The following TRIM35 variants were observed in gnomAD, a reference collection of about 807,000 sequenced individuals.
The protein encoded by TRIM35 is tripartite motif containing 35, also known as E3 ubiquitin-protein ligase TRIM35.
A neutral mutation model predicts 49.1 loss-of-function variants in TRIM35; 37 were observed. The observed-to-expected ratio is 0.75, with a 90% CI of 0.58 to 0.99. The LOEUF (loss-of-function observed/expected upper bound fraction) is 0.99. Ranked by LOEUF, TRIM35 falls within the 50% of genes least tolerant of loss-of-function variation. The pLI, the probability that TRIM35 is intolerant of heterozygous loss-of-function variation, is 0.00. For missense variants in TRIM35, 648 were observed against 702.7 expected (o/e 0.92, Z 0.88); for synonymous variants, 302 against 289.3 (o/e 1.04, Z -0.45).
Position 27,287,331 on chromosome 8 carries a change from C to T in TRIM35, c.*219G>A. The T allele has an allele frequency of 1.9e-6, 1 of 531,308 alleles. No individual in the cohort carries two copies. The highest frequency in any genetic ancestry group is 3.6e-5 in the Admixed American group (1 of 27,782). 32.9% of individuals were successfully genotyped at this position (531,308 alleles called of 1,614,324 possible). Reference sequence around the variant, plus strand: ...GTGCCACGACTCGGGAGAGCCTGGCCAGCGAGGTGCCACCCGAATAGCTCC... The same window carrying T: ...GTGCCACGACTCGGGAGAGCCTGGCTAGCGAGGTGCCACCCGAATAGCTCC... On this transcript the variant is annotated 3_prime_UTR_variant, in exon 6 of 6. Coordinates refer to ENST00000305364, the MANE Select transcript of TRIM35 (RefSeq NM_171982.5). This position sits in a 1 kb window ranked among gnomAD's most constrained non-coding sequence, Gnocchi z 6.0.
Position 27,294,178 on chromosome 8 carries a change from C to A in TRIM35, c.664G>T (p.Glu222Ter). The A allele has an allele frequency of 1.2e-6, 2 of 1,614,242 alleles. No homozygotes were observed. The highest frequency in any genetic ancestry group is 1.7e-6 in the Non-Finnish European group (2 of 1,180,052). The change falls in exon 3 of 6, where the codon GAG becomes TAG. Residue 222 changes from glutamate (E) to a stop codon, truncating the protein, a stop_gained. Coordinates refer to ENST00000305364, the MANE Select transcript of TRIM35 (RefSeq NM_171982.5). LOFTEE classifies it high-confidence loss of function. ...ETRQKQLLAD[E>*]KMKQLTEETE... ...TCCTCTGTGAGCTGCTTCATCTTCT[C>A]GTCGGCCAGAAGTTGCTTCTGCCTT...
Position 27,298,399 on chromosome 8 carries a change from T to C in TRIM35, c.531+65A>G, listed in dbSNP as rs755212989. Reference sequence around the variant, plus strand: ...GAGCCAAAGCCACGGCTGACACATCTTCACTCCTCCCCAGACTGCCCTGAG... The same window carrying C: ...GAGCCAAAGCCACGGCTGACACATCCTCACTCCTCCCCAGACTGCCCTGAG... On this transcript the variant is annotated intron_variant, in intron 2 of 5. Transcript: ENST00000305364. 897 of 1,508,016 alleles carry C rather than the reference T, an allele frequency of 5.9e-4. 9 individuals carry two copies. Among genetic ancestry groups the C allele is most frequent in the Admixed American group, 1.2e-3 (70 of 59,554 alleles). The allele number at this position is 1,508,016 out of a possible 1,614,324, so 93.4% of individuals were successfully genotyped here. A position where few individuals can be genotyped will look rare whatever the true frequency, so the allele number is the denominator to read the frequency against.
At chr8:27,295,537 G>GC (rs1374945528) in intron 2 of TRIM35, among the ~76,000 whole-genome samples, 1 of 152,196 alleles carries the variant, frequency 6.6e-6, no homozygotes, top group Non-Finnish European at 1.5e-5. Flanking sequence ...TCATAGGTTA[G>GC]CCTAGCCTAC....
At chr8:27,310,772 G>T (rs1325598809) in intron 1 of TRIM35, 29 bp downstream of exon 1, 1 of 1,544,018 alleles carries the variant, frequency 6.5e-7, no homozygotes, top group South Asian at 1.2e-5. Context: ...GACCCGGCTC[G>T]GCCGCCTCGT....
In TRIM35 at chr8:27,299,906, C is replaced by T. The variant is rs139693448; in HGVS notation, c.436-1347G>A. 2.0e-5 allele frequency among the ~76,000 whole-genome samples: 3 copies of T among 152,310 alleles called. No homozygotes were observed. In the East Asian group the frequency reaches 5.8e-4, roughly 29 times the overall value. ...CCCCAGTGACCCTCACCTCCTGATA[C>T]TCATGCTCTTGTGAAATCCCCTCCT... On this transcript the variant is annotated intron_variant, in intron 1 of 5. Transcript: ENST00000305364.
chr8:27,304,370 C>T (rs1802740156), intron 1 of TRIM35, among the ~76,000 whole-genome samples: 1 of 152,248 alleles, frequency 6.6e-6, no homozygotes, highest in African/African-American at 2.4e-5. Context: ...CACACTGTTG[C>T]TCTGCCTGGT....
In TRIM35 at chr8:27,287,979, G is replaced by A; in HGVS notation, c.1053C>T (p.Phe351=). The change falls in exon 6 of 6, where the codon TTC becomes TTT. Residue 351 remains phenylalanine (F), a synonymous_variant. Transcript: ENST00000305364. The surrounding 1 kb of genome is among the most constrained non-coding windows in gnomAD (Gnocchi z 6.0). ...SAPCLLGSRV[F]SQGSHAWEVA... ...CCTCCCAGGCGTGCGAGCCCTGTGA[G>A]AAGACACGGGAGCCCAGCAGGCAGG... The A allele has an allele frequency of 6.2e-7, 1 of 1,613,512 alleles. No homozygotes were observed. Among genetic ancestry groups the A allele is most frequent in the South Asian group, 1.1e-5 (1 of 91,076 alleles).
chr8:27,303,742 A>C (rs1300910122), intron 1 of TRIM35, among the ~76,000 whole-genome samples: 1 of 152,180 alleles, frequency 6.6e-6, no homozygotes, highest in Non-Finnish European at 1.5e-5. Context: ...TGTCCAGGCT[A>C]GAGTGCAGTG....
At chr8:27,306,322 T>C (rs938791036) in intron 1 of TRIM35, among the ~76,000 whole-genome samples, 7 of 126,170 alleles carry the variant, frequency 5.5e-5, no homozygotes, top group South Asian at 5.2e-4. Flanking sequence ...ATTTTCTTTT[T>C]TTCTTTCTTT....
At chr8:27,292,622 T>C (rs1802477874) in intron 3 of TRIM35, among the ~76,000 whole-genome samples, 1 of 152,202 alleles carries the variant, frequency 6.6e-6, no homozygotes, top group African/African-American at 2.4e-5. Flanking sequence ...TGTAGACTAG[T>C]GGTTGCCAGG....
chr8:27,299,050 T>A (rs1802631741), intron 1 of TRIM35, among the ~76,000 whole-genome samples: 1 of 152,134 alleles, frequency 6.6e-6, no homozygotes, highest in Non-Finnish European at 1.5e-5. Flanking sequence ...GGGGTTCAGT[T>A]ACCTCCCATG....
At position 27,294,067 on chromosome 8, in the gene TRIM35, C is replaced by T. The variant is rs376504966; in HGVS notation, c.762+13G>A. On this transcript the variant is annotated intron_variant, in intron 3 of 5. Coordinates refer to ENST00000305364, the MANE Select transcript of TRIM35 (RefSeq NM_171982.5). ...GTGGCCCTGTCACTGAATCCAGACG[C>T]TGAGCTCCTTACCATGAGAAAAGAA... The T allele has an allele frequency of 2.8e-5, 45 of 1,612,756 alleles. No homozygotes were observed. Among genetic ancestry groups the T allele is most frequent in the Non-Finnish European group, 3.7e-5 (44 of 1,179,446 alleles).
chr8:27,303,677 T>TTTTA (rs1802724558), intron 1 of TRIM35, among the ~76,000 whole-genome samples: 2 of 152,254 alleles, frequency 1.3e-5, no homozygotes, highest in African/African-American at 4.8e-5. Context: ...CATTAAGATT[T>TTTTA]TTTATTTATT....
intron 1 of TRIM35, chr8:27,304,962 C>A (rs556878117): frequency 3.5e-5 from 13 of 369,390 alleles, no homozygotes; most frequent in South Asian, 2.7e-4. Context: ...AGAGTTCTGG[C>A]ACCTGGCCGA....
chr8:27,290,730 T>C (rs1025504825), intron 3 of TRIM35, among the ~76,000 whole-genome samples: 3 of 152,222 alleles, frequency 2.0e-5, no homozygotes, highest in African/African-American at 7.2e-5. Flanking sequence ...TCCCTTATCC[T>C]AGCTGGCTTC....
At position 27,293,920 on chromosome 8, in the gene TRIM35, G is replaced by A. The variant is rs1281467747; in HGVS notation, c.762+160C>T. 5 of 644,800 alleles carry A rather than the reference G, an allele frequency of 7.8e-6. No individual in the cohort carries two copies. In the Admixed American group the frequency reaches 1.5e-4, roughly 20 times the overall value. The allele number at this position is 644,800 out of a possible 1,614,324, so 39.9% of individuals were successfully genotyped here. On this transcript the variant is annotated intron_variant, in intron 3 of 5. Transcript: ENST00000305364. Reference sequence around the variant, plus strand: ...AACTCCGCCCTGATAAGTCTTTTTAGTTTCATGACACAAGCAGAGCAGGTT... The same window carrying A: ...AACTCCGCCCTGATAAGTCTTTTTAATTTCATGACACAAGCAGAGCAGGTT...
At chr8:27,288,762 CCT>C (rs1419867209) in intron 5 of TRIM35, among the ~76,000 whole-genome samples, 7 of 152,200 alleles carry the variant, frequency 4.6e-5, no homozygotes, top group Non-Finnish European at 4.4e-5. Context: ...CGGCCCATTC[CCT>C]GAGTCAGTGA....
intron 2 of TRIM35, 102 bp from the exon 3 acceptor site, chr8:27,294,412 A>G: frequency 9.1e-7 from 1 of 1,101,394 alleles, no homozygotes; most frequent in Non-Finnish European, 1.3e-6. Flanking sequence ...GTTCAAATAA[A>G]TCATGTATAG....
intron 1 of TRIM35, among the ~76,000 whole-genome samples, chr8:27,305,156 C>T (rs1802758492): frequency 6.6e-6 from 1 of 152,266 alleles, no homozygotes; most frequent in Non-Finnish European, 1.5e-5. Context: ...GTGGCAGGCA[C>T]ATGCTGTGCA....
Sources: gnomAD v4.1 joint callset for allele counts (sites outside exome capture counted in the v4.1 genomes callset) on GRCh38, gnomAD v4.1.1 for gene constraint, Gnocchi (gnomAD v3.1) non-coding constraint, MANE v1.5 for transcripts, NCBI Gene and HGNC (gene_info 2026-07-23, HGNC 2026-07-21) for gene names.